The following KCND2 variants were observed in gnomAD, a reference collection of about 807,000 sequenced individuals.
KCND2 encodes A-type voltage-gated potassium channel KCND2.
A neutral mutation model predicts 54.4 loss-of-function variants in KCND2; 16 were observed. The ratio of observed to expected loss-of-function variants is 0.29; its 90% confidence interval spans 0.20 to 0.45. The LOEUF is 0.45. Ranked by LOEUF, KCND2 falls within the 20% of genes least tolerant of loss-of-function variation. The probability of loss-of-function intolerance (pLI) is 1.00; values close to 1 mark genes in which losing one functional copy is unlikely to be tolerated. For synonymous variants in KCND2, 317 were observed against 310.7 expected, an observed-to-expected ratio of 1.02 and a Z score of -0.21; for missense variants, 486 against 824.2, an observed-to-expected ratio of 0.59 and a Z score of 5.02.
intron 1 of KCND2, among the ~76,000 whole-genome samples, chr7:120,367,438 C>T (rs1800702633): frequency 6.6e-6 from 1 of 152,018 alleles, no homozygotes; most frequent in Admixed American, 6.6e-5. Context: ...GAACAGTATT[C>T]CTTTTCCCTT....
intron 1 of KCND2, among the ~76,000 whole-genome samples, chr7:120,684,548 C>T (rs893421547): frequency 1.3e-5 from 2 of 152,116 alleles, no homozygotes; most frequent in African/African-American, 4.8e-5. Flanking sequence ...CCTTAAGCGT[C>T]TCTAGGTAGT....
chr7:120,385,424 G>A (rs577068668), intron 1 of KCND2, among the ~76,000 whole-genome samples: 41 of 152,116 alleles, frequency 2.7e-4, no homozygotes, highest in African/African-American at 9.6e-4. Context: ...GTAAATGTTG[G>A]TCGAATAAGT....
intron 1 of KCND2, among the ~76,000 whole-genome samples, chr7:120,596,641 A>G (rs575997408): frequency 7.9e-5 from 12 of 152,316 alleles, no homozygotes; most frequent in African/African-American, 2.9e-4. Context: ...CTGGATCAGC[A>G]TTGAGAAGAA....
intron 1 of KCND2, among the ~76,000 whole-genome samples, chr7:120,439,312 G>A (rs1051938596): frequency 7.2e-5 from 11 of 151,886 alleles, no homozygotes; most frequent in Non-Finnish European, 1.2e-4. Context: ...ATATTTAATC[G>A]AAATAGTGAT....
intron 1 of KCND2, among the ~76,000 whole-genome samples, chr7:120,422,152 C>T (rs1801635149): frequency 6.6e-6 from 1 of 152,118 alleles, no homozygotes. Flanking sequence ...TGCAGATATG[C>T]CAAAATCTGT....
At chr7:120,363,026 G>T (rs1412827490) in intron 1 of KCND2, among the ~76,000 whole-genome samples, 2 of 151,932 alleles carry the variant, frequency 1.3e-5, no homozygotes, top group Non-Finnish European at 2.9e-5. Context: ...AGTCAGGCAG[G>T]GTGTCGTGGC....
At chr7:120,692,395 T>C (rs535747055) in intron 1 of KCND2, among the ~76,000 whole-genome samples, 2 of 152,308 alleles carry the variant, frequency 1.3e-5, no homozygotes, top group South Asian at 2.1e-4. Context: ...TTTTTAGTTA[T>C]CTTTTATTTT....
intron 1 of KCND2, among the ~76,000 whole-genome samples, chr7:120,537,526 C>T (rs969396823): frequency 2.0e-5 from 3 of 152,210 alleles, no homozygotes; most frequent in Non-Finnish European, 4.4e-5. Context: ...ACATTGACTT[C>T]TCCTCTCTAC....
chr7:120,385,528 A>G (rs1164217325), intron 1 of KCND2, among the ~76,000 whole-genome samples: 2 of 152,144 alleles, frequency 1.3e-5, no homozygotes, highest in Admixed American at 6.6e-5. Flanking sequence ...TGAATGCTGA[A>G]AAGGGAGAAC....
chr7:120,314,132 G>T (rs1799779753), intron 1 of KCND2, among the ~76,000 whole-genome samples: 1 of 151,424 alleles, frequency 6.6e-6, no homozygotes, highest in Middle Eastern at 3.2e-3. Context: ...CTATACTAGG[G>T]TTTAAAAAAT....
chr7:120,466,037 GC>G (rs1584790553), intron 1 of KCND2, among the ~76,000 whole-genome samples: 1 of 152,130 alleles, frequency 6.6e-6, no homozygotes, highest in East Asian at 1.9e-4. Context: ...GCTGTGTGGG[GC>G]TGTCTAATGC....
At chr7:120,693,694 A>G (rs1354973896) in intron 1 of KCND2, among the ~76,000 whole-genome samples, 1 of 152,300 alleles carries the variant, frequency 6.6e-6, no homozygotes, top group South Asian at 2.1e-4. Flanking sequence ...CTCACAAAAA[A>G]GTATTATCAA....
chr7:120,295,301 G>A (rs547487911), intron 1 of KCND2, among the ~76,000 whole-genome samples: 1 of 150,120 alleles, frequency 6.7e-6, no homozygotes, highest in Non-Finnish European at 1.5e-5. Context: ...ATGATACAAC[G>A]ATTAATGAGG....
chr7:120,526,401 ATGAAGTTAAAAAAG>A (rs1289724377), intron 1 of KCND2, among the ~76,000 whole-genome samples: 5 of 152,162 alleles, frequency 3.3e-5, no homozygotes, highest in Admixed American at 6.6e-5. Flanking sequence ...AAAATTACAC[ATGAAGTTAAAAAAG>A]TAAGGATATA....
At chr7:120,627,185 A>T (rs1793174273) in intron 1 of KCND2, among the ~76,000 whole-genome samples, 1 of 145,552 alleles carries the variant, frequency 6.9e-6, no homozygotes, top group East Asian at 2.1e-4. Context: ...CGTGTCCAGC[A>T]TTGTGCTCGT....
chr7:120,491,633 G>A (rs1201062738), intron 1 of KCND2, among the ~76,000 whole-genome samples: 1 of 152,102 alleles, frequency 6.6e-6, no homozygotes, highest in Non-Finnish European at 1.5e-5. Context: ...CAGGGATAAT[G>A]TTAAATCTTA....
At chr7:120,578,936 A>G (rs1792476202) in intron 1 of KCND2, among the ~76,000 whole-genome samples, 1 of 151,984 alleles carries the variant, frequency 6.6e-6, no homozygotes, top group Admixed American at 6.6e-5. Flanking sequence ...ACACACACAC[A>G]CACACGCACA....
At chr7:120,530,343 A>T (rs752531379) in intron 1 of KCND2, among the ~76,000 whole-genome samples, 5 of 152,154 alleles carry the variant, frequency 3.3e-5, no homozygotes, top group Non-Finnish European at 7.4e-5. Flanking sequence ...AAAGATGAGG[A>T]CTAAATCCAC....
At position 120,614,256 on chromosome 7, in the gene KCND2, G is replaced by A. The variant is rs1410742790; in HGVS notation, c.1116-118647G>A. Among the ~76,000 whole-genome samples the A allele has an allele frequency of 4.6e-5, 7 of 152,212 alleles. No homozygotes were observed. In the East Asian group the frequency reaches 7.7e-4, roughly 17 times the overall value. ...TTGAACTCCTGACCTCAGGTGAGCC[G>A]CCCTCCTTGGCCTCTCAAAGTGCTG... On this transcript the variant is annotated intron_variant, in intron 1 of 5. Transcript: ENST00000331113.
Sources: gnomAD v4.1 joint callset for allele counts (sites outside exome capture counted in the v4.1 genomes callset) on GRCh38, gnomAD v4.1.1 for gene constraint, MANE v1.5 for transcripts, NCBI Gene and HGNC (gene_info 2026-07-23, HGNC 2026-07-21) for gene names.